The following NPLOC4 variants were observed in gnomAD, a reference collection of about 807,000 sequenced individuals.
NPLOC4 encodes NPL4 homolog, ubiquitin recognition factor.
Under a neutral mutation model 80.6 loss-of-function variants are expected in NPLOC4, and 18 were observed. That is an observed-to-expected ratio of 0.22 (90% CI 0.15 to 0.33). The LOEUF (loss-of-function observed/expected upper bound fraction) is 0.33. Among genes scored for constraint, NPLOC4 ranks in the 10% least tolerant of loss-of-function variants. The pLI is 1.00. For missense variants in NPLOC4, 540 were observed against 786.1 expected (o/e 0.69, Z 3.74); for synonymous variants, 313 against 301.5 (o/e 1.04, Z -0.39).
At chr17:81,604,469 G>A (rs1337519206) in intron 8 of NPLOC4, 79 bp downstream of exon 8, 1 of 1,349,428 alleles carries the variant, frequency 7.4e-7, no homozygotes, top group African/African-American at 1.5e-5. Flanking sequence ...AAAGCGAACA[G>A]GGCAAGGCCT....
chr17:81,567,109 G>A lies in NPLOC4; in HGVS notation c.1566+308C>T, dbSNP rs1453910800. 6.0e-6 allele frequency: 2 copies of A among 334,476 alleles called. No individual in the cohort carries two copies. The highest frequency in any genetic ancestry group is 2.1e-5 in the African/African-American group (1 of 47,468). The allele number at this position is 334,476 out of a possible 1,614,324, so 20.7% of individuals were successfully genotyped here. A position where few individuals can be genotyped will look rare whatever the true frequency, so the allele number is the denominator to read the frequency against. On this transcript the variant is annotated intron_variant, in intron 15 of 16. Transcript: ENST00000331134. The surrounding 1 kb of genome is among the most constrained non-coding windows in gnomAD (Gnocchi z 4.5). ...TAAACTGTCTAACTCTAATGCTGGA[G>A]GCAGAGCTAAATCACCTCTGCTTCC...
chr17:81,636,549 G>A (rs2144360703), intron 1 of NPLOC4: 1 of 199,900 alleles, frequency 5.0e-6, no homozygotes, highest in East Asian at 1.1e-4. Flanking sequence ...GGCTCTGAGA[G>A]GGGCAGGACT....
rs922288101 is a variant in NPLOC4, at chr17:81,597,413, G to A, written c.922-97C>T. On this transcript the variant is annotated intron_variant, in intron 9 of 16. Transcript: ENST00000331134. ...CGCCTATAATCACAGCACTTTGAGA[G>A]GCCGAGGCAGGAGAATCACGAGGTT... 2.0e-4 allele frequency: 181 copies of A among 894,248 alleles called. 1 individual carries two copies. Among genetic ancestry groups the A allele is most frequent in the Middle Eastern group, 1.1e-3 (5 of 4,418 alleles). The allele number at this position is 894,248 out of a possible 1,614,324, so 55.4% of individuals were successfully genotyped here.
chr17:81,566,690 AG>A (rs2034022367), intron 15 of NPLOC4: 1 of 152,310 alleles, frequency 6.6e-6, no homozygotes, highest in South Asian at 2.1e-4. Context: ...CCGGGGGAGG[AG>A]GAGCCTCTCT....
rs545915928 is a variant in NPLOC4 at position 81,611,337 on chromosome 17, A to C, written c.387-1079T>G. On this transcript the variant is annotated intron_variant, in intron 4 of 16. Transcript: ENST00000331134. ...TTCCACTCAAATAAATAAATAAATA[A>C]AATAGTTTTTTTTTTGTTTTCTTTT... 1.6e-4 allele frequency among the ~76,000 whole-genome samples: 24 copies of C among 151,576 alleles called. No homozygotes were observed. The South Asian group carries it at 5.0e-3, about 31-fold the overall frequency.
rs539029178 is a variant in NPLOC4, at chr17:81,577,863, G to T, written c.1282-5775C>A. Among the ~76,000 whole-genome samples, 3 of 152,164 alleles carry T rather than the reference G, an allele frequency of 2.0e-5. No homozygotes were observed. The highest frequency in any genetic ancestry group is 7.2e-5 in the African/African-American group (3 of 41,444). On this transcript the variant is annotated intron_variant, in intron 12 of 16. Coordinates refer to ENST00000331134, the MANE Select transcript of NPLOC4 (RefSeq NM_017921.4). The surrounding 1 kb of genome is among the most constrained non-coding windows in gnomAD (Gnocchi z 4.3). ...CCATCCTTGTCCCCAAGGCCACAGG[G>T]AACTGACATGTGGCCTGGATTGCCA...
At chr17:81,563,953 C>A (rs752850489) in intron 16 of NPLOC4, 24 of 454,082 alleles carry the variant, frequency 5.3e-5, no homozygotes, top group Non-Finnish European at 9.7e-5. Flanking sequence ...TGGTGGTACA[C>A]ATCTGTAATC....
intron 7 of NPLOC4, among the ~76,000 whole-genome samples, chr17:81,605,324 T>C (rs2035175950): frequency 6.6e-6 from 1 of 150,498 alleles, no homozygotes; most frequent in Non-Finnish European, 1.5e-5. Context: ...TGCTATTCTA[T>C]TTAAAAATAA....
chr17:81,561,733 C>T (rs1235508480), intron 16 of NPLOC4: 2 of 152,160 alleles, frequency 1.3e-5, no homozygotes, highest in South Asian at 2.1e-4. Flanking sequence ...AGGCGTGGAC[C>T]ACTCACCATG....
intron 4 of NPLOC4, among the ~76,000 whole-genome samples, chr17:81,611,319 C>G (rs528990771): frequency 6.6e-6 from 1 of 151,814 alleles, no homozygotes; most frequent in South Asian, 2.1e-4. Context: ...AAATTCCACT[C>G]AAATAAATAA....
In NPLOC4 at chr17:81,569,048, T is replaced by A; in HGVS notation, c.1417A>T (p.Ile473Phe). The change falls in exon 14 of 17, where the codon ATT (isoleucine) becomes TTT (phenylalanine). Residue 473 changes from isoleucine to phenylalanine, a missense_variant. By Grantham distance (21) the Ile-to-Phe change is conservative. Around this residue, in one of 6 missense-constraint regions of NPLOC4, gnomAD observed 251 missense variants for 377.5 expected, o/e 0.66. Transcript: ENST00000331134. ...TCACCCAATACATCCCGGTTTTCAA[T>A]AGGAAATGGATTTTGCGAAATAGAA... ...TFSISQNPFPIENRDVLGETQ... is the reference protein window; with the variant it reads ...TFSISQNPFPFENRDVLGETQ... 6.2e-7 allele frequency: 1 copy of A among 1,612,698 alleles called. No individual in the cohort carries two copies. The highest frequency in any genetic ancestry group is 8.5e-7 in the Non-Finnish European group (1 of 1,178,752).
chr17:81,590,609 G>C (rs1214106162), intron 11 of NPLOC4, among the ~76,000 whole-genome samples: 1 of 152,046 alleles, frequency 6.6e-6, no homozygotes, highest in Non-Finnish European at 1.5e-5. Context: ...GCTTCCCAAA[G>C]AGCTGGAATT....
At chr17:81,616,558 G>A (rs573944353) in intron 3 of NPLOC4, among the ~76,000 whole-genome samples, 22 of 151,378 alleles carry the variant, frequency 1.5e-4, no homozygotes, top group East Asian at 1.2e-3. Context: ...GTGAAACCCC[G>A]TCTCTACTAA....
Position 81,629,719 on chromosome 17 carries a change from A to G in NPLOC4, c.96+6T>C, listed in dbSNP as rs1435781689. 10 of 1,607,686 alleles carry G rather than the reference A, an allele frequency of 6.2e-6. No homozygotes were observed. The African/African-American group carries it at 1.1e-4, about 17-fold the overall frequency. On this transcript the variant is annotated splice_donor_region_variant and intron_variant, in intron 2 of 16. Transcript: ENST00000331134. Reference sequence around the variant, plus strand: ...TCCTGAGGGTCAATACCCAGGCCACAGATACCTTTTTCAAAAATGTTGCTG... The same window carrying G: ...TCCTGAGGGTCAATACCCAGGCCACGGATACCTTTTTCAAAAATGTTGCTG...
At position 81,567,286 on chromosome 17, in the gene NPLOC4, A is replaced by G; in HGVS notation, c.1566+131T>C. On this transcript the variant is annotated intron_variant, in intron 15 of 16. Coordinates refer to ENST00000331134, the MANE Select transcript of NPLOC4 (RefSeq NM_017921.4). This position sits in a 1 kb window ranked among gnomAD's most constrained non-coding sequence, Gnocchi z 4.5. ...TGCCCATAGGACAAATGAGGGGGAC[A>G]ACCTGTGACCCCGAGCTTTGACCCA... 1 of 639,098 alleles carries G rather than the reference A, an allele frequency of 1.6e-6. No individual in the cohort carries two copies. The highest frequency in any genetic ancestry group is 2.8e-6 in the Non-Finnish European group (1 of 352,262). The allele number at this position is 639,098 out of a possible 1,614,324, so 39.6% of individuals were successfully genotyped here.
intron 11 of NPLOC4, among the ~76,000 whole-genome samples, chr17:81,594,266 C>T (rs1439502904): frequency 2.2e-5 from 2 of 90,276 alleles, no homozygotes; most frequent in African/African-American, 9.2e-5. Context: ...AAGAGCGAGA[C>T]TCCGTCTCAA....
In NPLOC4 at chr17:81,628,224, G is replaced by GAA. The variant is rs538884096; in HGVS notation, c.96+1499_96+1500dup. 2.0e-3 allele frequency among the ~76,000 whole-genome samples: 247 copies of GAA among 120,740 alleles called. 1 individual carries two copies. The highest frequency in any genetic ancestry group is 3.9e-3 in the Non-Finnish European group (208 of 53,230). 79.2% of individuals were successfully genotyped at this position (120,740 alleles called of 152,430 possible). A position where few individuals can be genotyped will look rare whatever the true frequency, so the allele number is the denominator to read the frequency against. On this transcript the variant is annotated intron_variant, in intron 2 of 16. Transcript: ENST00000331134. ...AGACTCCCTCTCATAAAAAAAAAAA[G>GAA]AAAAAAAAAAGAAAAAGAAAATATA... is the stretch of plus-strand genomic sequence containing the variant.
intron 3 of NPLOC4, among the ~76,000 whole-genome samples, chr17:81,614,597 G>A (rs967922537): frequency 5.8e-5 from 2 of 34,668 alleles, no homozygotes; most frequent in African/African-American, 4.2e-4. Context: ...AGCTACTGAC[G>A]TACTGCTTTC....
Position 81,597,293 on chromosome 17 carries a change from G to C in NPLOC4, c.945C>G (p.Leu315=), listed in dbSNP as rs759208721. The C allele has an allele frequency of 1.3e-5, 21 of 1,613,292 alleles. No homozygotes were observed. The highest frequency in any genetic ancestry group is 3.3e-5 in the Admixed American group (2 of 59,982). ...LRKVGWIFTD[L]VSEDTRKGTV... The stretch of plus-strand genomic sequence containing the variant: ...TACCCTTTCGGGTATCTTCTGAGAC[G>C]AGGTCTGTAAATATCCAGCCAACCT... The change falls in exon 10 of 17, where the codon CTC becomes CTG. Residue 315 remains leucine (L), a synonymous_variant. Coordinates refer to ENST00000331134, the MANE Select transcript of NPLOC4 (RefSeq NM_017921.4).
Sources: gnomAD v4.1 joint callset for allele counts (sites outside exome capture counted in the v4.1 genomes callset) on GRCh38, gnomAD v4.1.1 for gene constraint, gnomAD v4.1.1 regional missense constraint, Gnocchi (gnomAD v3.1) non-coding constraint, MANE v1.5 for transcripts, NCBI Gene and HGNC (gene_info 2026-07-23, HGNC 2026-07-21) for gene names.